PPME1: variants seen among roughly 807,000 people sequenced by gnomAD.
PPME1 encodes testicular secretory protein Li 39.
In PPME1, 17 loss-of-function variants were observed where a neutral mutation model predicts 56.9. That is an observed-to-expected ratio of 0.30 (90% CI 0.20 to 0.45). PPME1 has a LOEUF of 0.45. Ranked by LOEUF, PPME1 falls within the 20% of genes least tolerant of loss-of-function variation. The pLI is 1.00. For synonymous variants in PPME1, 122 were observed against 156.2 expected, an observed-to-expected ratio of 0.78 and a Z score of 1.63; for missense variants, 357 against 483.2, an observed-to-expected ratio of 0.74 and a Z score of 2.45.
chr11:74,241,648 A>C (rs1246842050), intron 9 of PPME1, among the ~76,000 whole-genome samples: 1 of 152,134 alleles, frequency 6.6e-6, no homozygotes, highest in Non-Finnish European at 1.5e-5. Flanking sequence ...CCTTGTCAGC[A>C]CTTGTTATTT....
chr11:74,223,091 C>T (rs970537674), intron 4 of PPME1, among the ~76,000 whole-genome samples: 7 of 151,822 alleles, frequency 4.6e-5, no homozygotes, highest in South Asian at 2.1e-4. Context: ...ATCCCTCCCC[C>T]CTTCCCCCAC....
intron 3 of PPME1, 32 bp downstream of exon 3, chr11:74,204,477 T>G (rs1858272589): frequency 6.5e-7 from 1 of 1,537,176 alleles, no homozygotes; most frequent in Non-Finnish European, 9.0e-7. Flanking sequence ...CAAGTTAATG[T>G]TAGCACTTTT....
At chr11:74,188,703 C>T (rs1464806209) in intron 1 of PPME1, among the ~76,000 whole-genome samples, 1 of 152,124 alleles carries the variant, frequency 6.6e-6, no homozygotes, top group Non-Finnish European at 1.5e-5. Flanking sequence ...ACAAACTGTG[C>T]TACCATTAAA....
Position 74,253,628 on chromosome 11 carries a change from G to T in PPME1, c.*118G>T, listed in dbSNP as rs1346296456. 1.7e-6 allele frequency: 2 copies of T among 1,160,702 alleles called. No homozygotes were observed. The highest frequency in any genetic ancestry group is 4.7e-5 in the East Asian group (2 of 42,518). 71.9% of individuals were successfully genotyped at this position (1,160,702 alleles called of 1,614,324 possible). ...GCCCAGCCATGTGACACTGGCTCCC[G>T]GTAGACGGGCACCCCGAGATGTACC... On this transcript the variant is annotated 3_prime_UTR_variant, in exon 14 of 14. Coordinates refer to ENST00000328257, the MANE Select transcript of PPME1 (RefSeq NM_016147.3).
At chr11:74,202,637 T>C (rs920524191) in intron 1 of PPME1, among the ~76,000 whole-genome samples, 1 of 152,182 alleles carries the variant, frequency 6.6e-6, no homozygotes, top group African/African-American at 2.4e-5. Flanking sequence ...GAAGAATAGG[T>C]TGGAAATTGG....
At chr11:74,214,378 G>C (rs1285062631) in intron 3 of PPME1, among the ~76,000 whole-genome samples, 1 of 152,144 alleles carries the variant, frequency 6.6e-6, no homozygotes, top group African/African-American at 2.4e-5. Flanking sequence ...GTCTTAAAGA[G>C]GAGGTAGAGA....
At chr11:74,236,111 G>A (rs1265893735) in intron 8 of PPME1, 145 bp downstream of exon 8, 29 of 1,314,042 alleles carry the variant, frequency 2.2e-5, no homozygotes, top group Non-Finnish European at 2.8e-5. Flanking sequence ...GAGTTCAGTT[G>A]GGACAGACAT....
intron 1 of PPME1, among the ~76,000 whole-genome samples, chr11:74,173,375 A>T (rs1244364275): frequency 2.0e-5 from 3 of 152,130 alleles, no homozygotes; most frequent in Admixed American, 2.0e-4. Flanking sequence ...ATAATTATAC[A>T]TTCCTTAGAT....
At chr11:74,233,300 A>G (rs1283360587) in intron 7 of PPME1, among the ~76,000 whole-genome samples, 4 of 152,302 alleles carry the variant, frequency 2.6e-5, no homozygotes, top group East Asian at 3.9e-4. Context: ...TCTGGGTTTC[A>G]TGAGAGTCAT....
chr11:74,234,301 C>T (rs1859139536), intron 7 of PPME1, among the ~76,000 whole-genome samples: 1 of 152,036 alleles, frequency 6.6e-6, no homozygotes, highest in Non-Finnish European at 1.5e-5. Context: ...AGAGGCTGAA[C>T]TAGAGATAAA....
chr11:74,234,723 C>G (rs567796559), intron 7 of PPME1, among the ~76,000 whole-genome samples: 5 of 152,282 alleles, frequency 3.3e-5, no homozygotes, highest in African/African-American at 9.6e-5. Flanking sequence ...CAAGATAACT[C>G]TTTTGAGGAG....
chr11:74,194,035 G>T (rs964944683), intron 1 of PPME1, among the ~76,000 whole-genome samples: 10 of 151,756 alleles, frequency 6.6e-5, no homozygotes, highest in African/African-American at 2.2e-4. Context: ...GGTCCTGAGG[G>T]CACTACCAGT....
chr11:74,235,747 G>C (rs921882941), intron 7 of PPME1, 154 bp from the exon 8 acceptor site: 2 of 1,192,746 alleles, frequency 1.7e-6, no homozygotes, highest in African/African-American at 3.1e-5. Flanking sequence ...ATGTAGCCAG[G>C]TGAGTAATAG....
At chr11:74,246,692 C>T (rs1859513169) in intron 10 of PPME1, among the ~76,000 whole-genome samples, 1 of 152,144 alleles carries the variant, frequency 6.6e-6, no homozygotes, top group African/African-American at 2.4e-5. Context: ...TCATCTATGC[C>T]TTTTCTCCTC....
At chr11:74,218,564 T>C (rs1285749444) in intron 3 of PPME1, among the ~76,000 whole-genome samples, 1 of 152,066 alleles carries the variant, frequency 6.6e-6, no homozygotes, top group Non-Finnish European at 1.5e-5. Context: ...CATAGACCAA[T>C]GGAACAGAAT....
Position 74,230,158 on chromosome 11 carries a change from C to A in PPME1, c.399-87C>A. On this transcript the variant is annotated intron_variant, in intron 5 of 13. Coordinates refer to ENST00000328257, the MANE Select transcript of PPME1 (RefSeq NM_016147.3). The surrounding 1 kb of genome is among the most constrained non-coding windows in gnomAD (Gnocchi z 4.9). Reference sequence around the variant, plus strand: ...CTTTTACAGTTTCCCAGCACTGTTACACACCAAAGAAAGGAACTGGGAAAG... The same window carrying A: ...CTTTTACAGTTTCCCAGCACTGTTAAACACCAAAGAAAGGAACTGGGAAAG... 7.0e-7 allele frequency: 1 copy of A among 1,419,768 alleles called. No homozygotes were observed. The highest frequency in any genetic ancestry group is 9.6e-7 in the Non-Finnish European group (1 of 1,043,674). 87.9% of individuals were successfully genotyped at this position (1,419,768 alleles called of 1,614,324 possible).
chr11:74,203,893 T>C, intron 2 of PPME1, 72 bp downstream of exon 2: 1 of 1,100,024 alleles, frequency 9.1e-7, no homozygotes, highest in African/African-American at 1.6e-5. Context: ...TTGTGTAGTT[T>C]CTAAAATGTT....
At chr11:74,182,496 T>C (rs1167493215) in intron 1 of PPME1, among the ~76,000 whole-genome samples, 1 of 151,768 alleles carries the variant, frequency 6.6e-6, no homozygotes, top group East Asian at 1.9e-4. Context: ...AGTAGCTGGG[T>C]TTACAGGTGT....
intron 1 of PPME1, chr11:74,198,955 A>G (rs902915247): frequency 6.6e-6 from 1 of 152,240 alleles, no homozygotes; most frequent in Non-Finnish European, 1.5e-5. Flanking sequence ...TCCCCATTTT[A>G]TTAAGCTAAC....
Sources: gnomAD v4.1 joint callset for allele counts (sites outside exome capture counted in the v4.1 genomes callset) on GRCh38, gnomAD v4.1.1 for gene constraint, Gnocchi (gnomAD v3.1) non-coding constraint, MANE v1.5 for transcripts, NCBI Gene and HGNC (gene_info 2026-07-23, HGNC 2026-07-21) for gene names.